The following LRIG3 variants were observed in gnomAD, a reference collection of about 807,000 sequenced individuals.
LRIG3 encodes the protein leucine-rich repeats and immunoglobulin-like domains protein 3.
Under a neutral mutation model 114.5 loss-of-function variants are expected in LRIG3, and 76 were observed. The ratio of observed to expected loss-of-function variants is 0.66; its 90% CI spans 0.55 to 0.80. LRIG3 has a LOEUF of 0.80. Among genes scored for constraint, LRIG3 ranks in the 30% least tolerant of loss-of-function variants. The pLI is 0.00. For missense variants in LRIG3, 1,239 were observed against 1,382.8 expected (o/e 0.90, Z 1.65); for synonymous variants, 512 against 519.8 (o/e 0.98, Z 0.20).
chr12:58,872,421 A>G lies in LRIG3; in HGVS notation c.*151T>C, dbSNP rs1286656855. ...CATTCCCAGTATAAAAATTTTCATAACTTTTTGTAATTTTGGTTCATCTGT... is the reference window on the plus strand; with the variant it reads ...CATTCCCAGTATAAAAATTTTCATAGCTTTTTGTAATTTTGGTTCATCTGT... On this transcript the variant is annotated 3_prime_UTR_variant, in exon 19 of 19. Coordinates refer to ENST00000320743, the MANE Select transcript of LRIG3 (RefSeq NM_153377.5). 2.4e-6 allele frequency: 2 copies of G among 816,454 alleles called. No homozygotes were observed. Among genetic ancestry groups the G allele is most frequent in the Non-Finnish European group, 3.4e-6 (2 of 591,572 alleles). The allele number at this position is 816,454 out of a possible 1,614,324, so 50.6% of individuals were successfully genotyped here.
intron 15 of LRIG3, 63 bp downstream of exon 15, chr12:58,877,337 G>C: frequency 1.7e-5 from 26 of 1,508,112 alleles, no homozygotes; most frequent in Non-Finnish European, 2.4e-5. Flanking sequence ...CGTTCTAGAA[G>C]TATTTGCAGA....
chr12:58,878,797 C>T (rs1565614019), intron 14 of LRIG3, 27 bp downstream of exon 14: 13 of 1,599,414 alleles, frequency 8.1e-6, no homozygotes, highest in Middle Eastern at 1.7e-4. Flanking sequence ...CTGATTTATA[C>T]TACAGAATCT....
chr12:58,877,758 A>G lies in LRIG3; in HGVS notation c.2178T>C (p.Pro726=), dbSNP rs763733516. 2 of 1,614,192 alleles carry G rather than the reference A, an allele frequency of 1.2e-6. No homozygotes were observed. The highest frequency in any genetic ancestry group is 1.7e-6 in the Non-Finnish European group (2 of 1,180,030). The change falls in exon 15 of 19, where the codon CCT becomes CCC. Residue 726 remains proline, a synonymous_variant. Transcript: ENST00000320743. ...TATCATCTTTGGTCCAGTTCAGTTT[A>G]GGGGGAGGGCTTCCTCCAGCAATGC... ...LQCIAGGSPP[P]KLNWTKDDSP... is the part of the protein sequence containing the mutation.
chr12:58,909,540 GT>G (rs1872193329), intron 3 of LRIG3, among the ~76,000 whole-genome samples: 1 of 152,070 alleles, frequency 6.6e-6, no homozygotes, highest in Non-Finnish European at 1.5e-5. Context: ...AGAGGGCTTG[GT>G]ACATAGTAGA....
intron 3 of LRIG3, chr12:58,913,353 C>G (rs906200002): frequency 6.6e-6 from 1 of 152,182 alleles, no homozygotes; most frequent in African/African-American, 2.4e-5. Context: ...CCAAAACCTA[C>G]GTCAGTGCAT....
At chr12:58,878,768 T>G in intron 14 of LRIG3, 56 bp downstream of exon 14, 518 of 1,541,178 alleles carry the variant, frequency 3.4e-4, no homozygotes, top group Non-Finnish European at 4.2e-4. Flanking sequence ...GGACCTTGGA[T>G]GAGCTAGTAT....
Position 58,914,011 on chromosome 12 carries a change from T to C in LRIG3, c.354A>G (p.Pro118=), listed in dbSNP as rs1160222246. Residue 118 remains proline, a synonymous_variant, in exon 3 of 19, where the codon CCA becomes CCG. Transcript: ENST00000320743. ...NELETIPNLG[P]VSANITLLSL... Reference sequence around the variant, plus strand: ...AGAGAAGTGTAATATTTGCCGAGACTGGTCCCAGATTTGGAATGGTCTCCA... The same window carrying C: ...AGAGAAGTGTAATATTTGCCGAGACCGGTCCCAGATTTGGAATGGTCTCCA... The C allele has an allele frequency of 1.2e-6, 2 of 1,612,450 alleles. No individual in the cohort carries two copies. Among genetic ancestry groups the C allele is most frequent in the South Asian group, 1.1e-5 (1 of 90,638 alleles).
intron 3 of LRIG3, among the ~76,000 whole-genome samples, chr12:58,898,727 C>A (rs564110354): frequency 1.4e-4 from 21 of 152,180 alleles, no homozygotes; most frequent in African/African-American, 5.1e-4. Flanking sequence ...GGCACGATCT[C>A]GGCTCACTGC....
At chr12:58,874,351 A>G (rs1870841272) in intron 17 of LRIG3, 21 bp from the exon 18 acceptor site, 2 of 1,607,410 alleles carry the variant, frequency 1.2e-6, no homozygotes, top group Admixed American at 3.4e-5. Context: ...TGGGGGCAGT[A>G]ACAGAAGGAG....
intron 15 of LRIG3, among the ~76,000 whole-genome samples, chr12:58,877,196 T>C (rs1870950607): frequency 1.3e-5 from 2 of 152,240 alleles, no homozygotes; most frequent in South Asian, 4.1e-4. Context: ...TACCCTGATG[T>C]CATTTTAACA....
At chr12:58,911,899 T>G (rs1872291215) in intron 3 of LRIG3, among the ~76,000 whole-genome samples, 1 of 152,160 alleles carries the variant, frequency 6.6e-6, no homozygotes, top group African/African-American at 2.4e-5. Flanking sequence ...AAAAAGAAGT[T>G]TTTACTCTCC....
At chr12:58,897,261 A>G (rs1871677001) in intron 3 of LRIG3, among the ~76,000 whole-genome samples, 1 of 152,238 alleles carries the variant, frequency 6.6e-6, no homozygotes, top group Admixed American at 6.5e-5. Flanking sequence ...GACACTAACC[A>G]GCAAACGAGT....
rs1481629919 is a variant in LRIG3, at chr12:58,877,581, G to A, written c.2355C>T (p.Ile785=). The change falls in exon 15 of 19, where the codon ATC becomes ATT. Residue 785 remains isoleucine, a synonymous_variant. Coordinates refer to ENST00000320743, the MANE Select transcript of LRIG3 (RefSeq NM_153377.5). ...TERGNVRLSV[I]PTPTCDSPQM... ...GAGGGGAGTCGCAGGTTGGAGTGGG[G>A]ATCACACTGAGGCGCACGTTTCCTC... The A allele has an allele frequency of 1.2e-6, 2 of 1,614,222 alleles. No homozygotes were observed. The highest frequency in any genetic ancestry group is 3.3e-5 in the Admixed American group (2 of 60,028).
intron 1 of LRIG3, among the ~76,000 whole-genome samples, chr12:58,917,657 C>A (rs755126697): frequency 2.5e-4 from 38 of 152,160 alleles, no homozygotes; most frequent in Non-Finnish European, 4.4e-4. Flanking sequence ...AAAATACATA[C>A]ACACGTAATT....
At chr12:58,890,237 C>T (rs1027171867) in intron 4 of LRIG3, 98 bp from the exon 5 acceptor site, 14 of 1,258,898 alleles carry the variant, frequency 1.1e-5, no homozygotes, top group Non-Finnish European at 1.5e-5. Flanking sequence ...AGAACTTAAC[C>T]ATCAATGGAA....
intron 18 of LRIG3, 23 bp from the exon 19 acceptor site, chr12:58,872,839 G>A: frequency 6.2e-7 from 1 of 1,601,198 alleles, no homozygotes; most frequent in South Asian, 1.1e-5. Context: ...AACACCTTGA[G>A]CACATGGGTC....
intron 12 of LRIG3, among the ~76,000 whole-genome samples, chr12:58,881,879 C>A (rs1056341943): frequency 1.3e-5 from 2 of 152,092 alleles, no homozygotes; most frequent in Admixed American, 1.3e-4. Flanking sequence ...GTGAAAAAAA[C>A]GATGGATACT....
rs1871019819 is a variant in LRIG3, at chr12:58,878,867, G to T, written c.2040C>A (p.Asn680Lys). 2 of 1,614,182 alleles carry T rather than the reference G, an allele frequency of 1.2e-6. No homozygotes were observed. The highest frequency in any genetic ancestry group is 1.7e-6 in the Non-Finnish European group (2 of 1,180,044). The change falls in exon 14 of 19, where the codon AAC becomes AAA. Residue 680 changes from asparagine to lysine, a missense_variant. Asn to Lys is a moderately conservative substitution (Grantham distance 94). Transcript: ENST00000320743. ...DIGVYSCTAQNSAGSISANAT... is the reference protein window; with the variant it reads ...DIGVYSCTAQKSAGSISANAT... ...CATTTGCTGAAATACTTCCTGCACTGTTCTGAGCTGTGCAGCTGTATACCC... is the reference window on the plus strand; with the variant it reads ...CATTTGCTGAAATACTTCCTGCACTTTTCTGAGCTGTGCAGCTGTATACCC...
intron 1 of LRIG3, among the ~76,000 whole-genome samples, chr12:58,918,746 A>C (rs932214597): frequency 6.6e-6 from 1 of 152,230 alleles, no homozygotes; most frequent in Non-Finnish European, 1.5e-5. Context: ...TAAAGACCTT[A>C]TCTCCTCTTC....
Sources: gnomAD v4.1 joint callset for allele counts (sites outside exome capture counted in the v4.1 genomes callset) on GRCh38, gnomAD v4.1.1 for gene constraint, MANE v1.5 for transcripts, NCBI Gene and HGNC (gene_info 2026-07-23, HGNC 2026-07-21) for gene names.